The following NUMB variants were observed in gnomAD, a reference collection of about 807,000 sequenced individuals.
NUMB encodes protein numb homolog.
In NUMB, 29 loss-of-function variants were observed where a neutral mutation model predicts 59.7. The observed-to-expected ratio is 0.49, with a 90% confidence interval of 0.36 to 0.66. The LOEUF (loss-of-function observed/expected upper bound fraction) is 0.66. Among genes scored for constraint, NUMB ranks in the 30% least tolerant of loss-of-function variants. The pLI is 0.00. For synonymous variants in NUMB, 288 were observed against 288.2 expected (o/e 1.00, Z 0.01); for missense variants, 723 against 822.0 (o/e 0.88, Z 1.47).
chr14:73,453,173 C>T (rs1595056902), intron 1 of NUMB, among the ~76,000 whole-genome samples: 1 of 152,240 alleles, frequency 6.6e-6, no homozygotes, highest in Non-Finnish European at 1.5e-5. Flanking sequence ...TCTCTTGTTG[C>T]CCAGGCTGGA....
intron 1 of NUMB, among the ~76,000 whole-genome samples, chr14:73,419,181 T>C (rs986367806): frequency 1.3e-5 from 2 of 152,074 alleles, no homozygotes; most frequent in African/African-American, 2.4e-5. Flanking sequence ...TTGGCAAAAA[T>C]TTCAAACTAT....
intron 1 of NUMB, among the ~76,000 whole-genome samples, chr14:73,416,081 A>G (rs776270042): frequency 5.9e-5 from 9 of 152,204 alleles, no homozygotes; most frequent in Non-Finnish European, 8.8e-5. Flanking sequence ...CCACTGTGAC[A>G]TTTTATGCCA....
chr14:73,394,901 G>A (rs981088179), intron 2 of NUMB, among the ~76,000 whole-genome samples: 8 of 151,646 alleles, frequency 5.3e-5, no homozygotes, highest in Non-Finnish European at 1.0e-4. Flanking sequence ...ATTAGCACCC[G>A]GCAATCTTTG....
chr14:73,328,183 G>A (rs1030856200), intron 4 of NUMB, among the ~76,000 whole-genome samples: 1 of 151,570 alleles, frequency 6.6e-6, no homozygotes, highest in African/African-American at 2.4e-5. Context: ...GCTGAGGCAC[G>A]AGAATTGCCT....
intron 11 of NUMB, 47 bp downstream of exon 11, chr14:73,282,312 A>AGT: frequency 1.3e-6 from 2 of 1,599,952 alleles, no homozygotes; most frequent in Non-Finnish European, 1.7e-6. Flanking sequence ...GTGTACTAAA[A>AGT]GTACTGGTTG....
chr14:73,331,903 G>A (rs1566746328), intron 4 of NUMB, among the ~76,000 whole-genome samples: 1 of 152,106 alleles, frequency 6.6e-6, no homozygotes, highest in Non-Finnish European at 1.5e-5. Flanking sequence ...CCAGTCTTGG[G>A]TATTTCTTCA....
chr14:73,343,623 A>T (rs1417609217), intron 4 of NUMB, among the ~76,000 whole-genome samples: 1 of 152,146 alleles, frequency 6.6e-6, no homozygotes, highest in Admixed American at 6.5e-5. Context: ...GTGTGTATGT[A>T]TGTAACGGGC....
In NUMB at chr14:73,355,621, C is replaced by G; in HGVS notation, c.126+5G>C. The G allele has an allele frequency of 1.2e-6, 2 of 1,611,866 alleles. No homozygotes were observed. Among genetic ancestry groups the G allele is most frequent in the Non-Finnish European group, 1.7e-6 (2 of 1,179,326 alleles). ...ATACAGACTTATAGAAACATCAGCT[C>G]TTACCTTAACCGGGAAGCTACATTT... On this transcript the variant is annotated splice_donor_5th_base_variant and intron_variant, in intron 4 of 12. Transcript: ENST00000555238.
chr14:73,285,935 A>AAC (rs1888964284), intron 9 of NUMB, among the ~76,000 whole-genome samples: 1 of 151,642 alleles, frequency 6.6e-6, no homozygotes, highest in African/African-American at 2.4e-5. Flanking sequence ...CAAAAAAAAA[A>AAC]AAAACACCGA....
At chr14:73,349,405 T>C (rs918460555) in intron 4 of NUMB, among the ~76,000 whole-genome samples, 4 of 151,336 alleles carry the variant, frequency 2.6e-5, no homozygotes, top group Non-Finnish European at 5.9e-5. Context: ...CTGGCCAACA[T>C]GGTGAAACCC....
chr14:73,332,871 A>G (rs948668250), intron 4 of NUMB, among the ~76,000 whole-genome samples: 29 of 151,916 alleles, frequency 1.9e-4, no homozygotes, highest in African/African-American at 7.0e-4. Flanking sequence ...ATGGCCTTTC[A>G]TGTCTGGCTT....
chr14:73,366,160 T>A (rs987783434), intron 3 of NUMB, among the ~76,000 whole-genome samples: 2 of 152,214 alleles, frequency 1.3e-5, no homozygotes, highest in African/African-American at 4.8e-5. Flanking sequence ...GCAATGACCA[T>A]GTTAGGCTCA....
intron 1 of NUMB, among the ~76,000 whole-genome samples, chr14:73,446,757 TA>T (rs994318853): frequency 4.8e-4 from 70 of 145,484 alleles, no homozygotes; most frequent in Admixed American, 9.6e-4. Context: ...CCTCATATCT[TA>T]AAAAAAAAAA....
At chr14:73,407,476 C>G (rs1180136173) in intron 2 of NUMB, among the ~76,000 whole-genome samples, 1 of 152,156 alleles carries the variant, frequency 6.6e-6, no homozygotes, top group East Asian at 1.9e-4. Flanking sequence ...TTCTCAATTA[C>G]TGTAACTTCT....
intron 4 of NUMB, among the ~76,000 whole-genome samples, chr14:73,341,036 T>TTCC (rs1404091004): frequency 2.0e-5 from 3 of 152,218 alleles, no homozygotes; most frequent in Non-Finnish European, 2.9e-5. Flanking sequence ...TCCCTTTGCC[T>TTCC]TCCATCATGA....
At chr14:73,288,974 T>G (rs1889207299) in intron 8 of NUMB, among the ~76,000 whole-genome samples, 2 of 151,804 alleles carry the variant, frequency 1.3e-5, no homozygotes, top group Admixed American at 1.3e-4. Context: ...TACAGTAAGC[T>G]CTAATTGTGC....
At chr14:73,333,868 T>TC (rs896032716) in intron 4 of NUMB, among the ~76,000 whole-genome samples, 1 of 151,724 alleles carries the variant, frequency 6.6e-6, no homozygotes, top group Non-Finnish European at 1.5e-5. Context: ...AGATTGTTGA[T>TC]CCTTTTTTTT....
At chr14:73,289,297 C>T (rs190733890) in intron 8 of NUMB, among the ~76,000 whole-genome samples, 79 of 152,186 alleles carry the variant, frequency 5.2e-4, no homozygotes, top group African/African-American at 1.7e-3. Context: ...GAGTGGAGGA[C>T]GTATATAAAC....
chr14:73,358,112 T>C (rs1594946596), intron 3 of NUMB, among the ~76,000 whole-genome samples: 1 of 152,154 alleles, frequency 6.6e-6, no homozygotes, highest in African/African-American at 2.4e-5. Context: ...TCCCCAACTA[T>C]TCCAGTCCTA....
Sources: gnomAD v4.1 joint callset for allele counts (sites outside exome capture counted in the v4.1 genomes callset) on GRCh38, gnomAD v4.1.1 for gene constraint, MANE v1.5 for transcripts, NCBI Gene and HGNC (gene_info 2026-07-23, HGNC 2026-07-21) for gene names.